RAB18: variants seen among roughly 807,000 people sequenced by gnomAD.
The protein encoded by RAB18 is ras-related protein Rab-18.
RAB18 carries 10 observed loss-of-function variants against 28.5 expected under a neutral mutation model. That is an observed-to-expected ratio of 0.35 (90% CI 0.22 to 0.60). The LOEUF is 0.60. RAB18 is among the 20% of genes least tolerant of loss of function. The pLI is 0.78. For synonymous variants in RAB18, 93 were observed against 86.9 expected (o/e 1.07, Z -0.39); for missense variants, 188 against 244.2 (o/e 0.77, Z 1.53).
chr10:27,526,734 A>T, intron 2 of RAB18, 94 bp from the exon 3 acceptor site: 3 of 1,511,522 alleles, frequency 2.0e-6, no homozygotes, highest in Non-Finnish European at 1.8e-6. Flanking sequence ...TGGGCATTTG[A>T]TAATAGTGAC....
At chr10:27,535,546 C>T (rs1834876881) in intron 6 of RAB18, among the ~76,000 whole-genome samples, 3 of 151,996 alleles carry the variant, frequency 2.0e-5, no homozygotes, top group Non-Finnish European at 4.4e-5. Flanking sequence ...GGATTGTATT[C>T]CAATTGTGGT....
At position 27,539,786 on chromosome 10, in the gene RAB18, A is replaced by G. The variant is rs2132418885; in HGVS notation, c.*1735A>G. On this transcript the variant is annotated 3_prime_UTR_variant, in exon 7 of 7. Transcript: ENST00000356940. ...ATTTTGTTTGATAGATTTATATTGTAACCTTTTTCTAGTTCTTGAATAAAT... is the reference window on the plus strand; with the variant it reads ...ATTTTGTTTGATAGATTTATATTGTGACCTTTTTCTAGTTCTTGAATAAAT... The G allele has an allele frequency of 2.2e-6, 1 of 452,528 alleles. No individual in the cohort carries two copies. The highest frequency in any genetic ancestry group is 6.9e-5 in the East Asian group (1 of 14,392). The allele number at this position is 452,528 out of a possible 1,614,324, so 28.0% of individuals were successfully genotyped here.
At chr10:27,509,406 A>G (rs533021947) in intron 1 of RAB18, among the ~76,000 whole-genome samples, 1 of 152,274 alleles carries the variant, frequency 6.6e-6, no homozygotes, top group African/African-American at 2.4e-5. Context: ...GTGTTACAGA[A>G]TGCTCGGCTT....
rs1230545922 is a variant in RAB18, at chr10:27,539,633, T to C, written c.*1582T>C. The C allele has an allele frequency of 2.2e-6, 1 of 452,974 alleles. No individual in the cohort carries two copies. Among genetic ancestry groups the C allele is most frequent in the Non-Finnish European group, 4.4e-6 (1 of 226,454 alleles). The allele number at this position is 452,974 out of a possible 1,614,324, so 28.1% of individuals were successfully genotyped here. A position where few individuals can be genotyped will look rare whatever the true frequency, so the allele number is the denominator to read the frequency against. On this transcript the variant is annotated 3_prime_UTR_variant, in exon 7 of 7. Transcript: ENST00000356940. ...AAAACTTGAGATTTGTGTATTTATG[T>C]AGAGTCTGTATTGACAAGACTGTTG...
chr10:27,515,735 A>C (rs761060862), intron 2 of RAB18, among the ~76,000 whole-genome samples: 22 of 151,216 alleles, frequency 1.5e-4, no homozygotes, highest in Admixed American at 7.9e-4. Flanking sequence ...CCTGTCTCAA[A>C]AAAAAAAAAT....
intron 2 of RAB18, among the ~76,000 whole-genome samples, chr10:27,526,292 A>ACC (rs1834670072): frequency 6.6e-6 from 1 of 152,224 alleles, no homozygotes; most frequent in Non-Finnish European, 1.5e-5. Flanking sequence ...TTACATAAAA[A>ACC]TAGTATTTTT....
In RAB18 at chr10:27,533,747, C is replaced by G; in HGVS notation, c.272C>G (p.Thr91Arg). 1 of 1,613,178 alleles carries G rather than the reference C, an allele frequency of 6.2e-7. No homozygotes were observed. The change falls in exon 5 of 7, where the codon ACA becomes AGA. Residue 91 changes from threonine (T) to arginine (R), a missense_variant. Thr to Arg is a moderately conservative substitution (Grantham distance 71, BLOSUM62 -1). Coordinates refer to ENST00000356940, the MANE Select transcript of RAB18 (RefSeq NM_021252.5). The stretch of plus-strand genomic sequence containing the variant: ...CCTTTTATTTCAGTTTATGATGTCA[C>G]AAGAAGAGATACATTTGTTAAACTG... The part of the protein sequence containing the change: ...AQGVILVYDV[T>R]RRDTFVKLDN...
At chr10:27,509,606 C>T (rs1010919611) in intron 1 of RAB18, among the ~76,000 whole-genome samples, 6 of 152,082 alleles carry the variant, frequency 3.9e-5, no homozygotes, top group Admixed American at 6.5e-5. Context: ...ACAACAAAAA[C>T]CCCCACCTTT....
rs1264638628 is a variant in RAB18, at chr10:27,541,501, T to G, written c.*3450T>G. The G allele has an allele frequency of 2.2e-6, 1 of 453,866 alleles. No homozygotes were observed. The highest frequency in any genetic ancestry group is 2.4e-5 in the Admixed American group (1 of 42,544). 28.1% of individuals were successfully genotyped at this position (453,866 alleles called of 1,614,324 possible). ...TTCTGATTGTGGTATAAAGTTTGCT[T>G]AAGTGCCCCTTAGTTAAAGCTGTTC... On this transcript the variant is annotated 3_prime_UTR_variant, in exon 7 of 7. Transcript: ENST00000356940.
chr10:27,532,440 C>A, intron 3 of RAB18, 67 bp from the exon 4 acceptor site: 2 of 1,198,388 alleles, frequency 1.7e-6, no homozygotes, highest in Non-Finnish European at 2.4e-6. Context: ...TGACTTTCTA[C>A]TCTTAAACTA....
intron 2 of RAB18, among the ~76,000 whole-genome samples, chr10:27,522,636 G>T (rs956775931): frequency 2.0e-5 from 3 of 152,036 alleles, no homozygotes; most frequent in African/African-American, 7.2e-5. Flanking sequence ...CTTCTTATCT[G>T]TTTAGGGATT....
At chr10:27,522,739 G>A (rs892676777) in intron 2 of RAB18, among the ~76,000 whole-genome samples, 19 of 151,758 alleles carry the variant, frequency 1.3e-4, no homozygotes, top group Non-Finnish European at 2.8e-4. Context: ...GTAAATTCTG[G>A]TAGCTTTTAA....
intron 3 of RAB18, among the ~76,000 whole-genome samples, chr10:27,527,519 AGTCT>A (rs1474706185): frequency 6.6e-6 from 1 of 151,922 alleles, no homozygotes; most frequent in Non-Finnish European, 1.5e-5. Flanking sequence ...CCCTTTCATC[AGTCT>A]ATTTACCCAC....
At chr10:27,510,060 T>G in intron 2 of RAB18, 130 bp downstream of exon 2, 3 of 736,994 alleles carry the variant, frequency 4.1e-6, no homozygotes, top group Non-Finnish European at 7.1e-6. Context: ...TTATTTGTCC[T>G]TCAAGACTTA....
At chr10:27,534,436 A>T (rs1834852811) in intron 6 of RAB18, among the ~76,000 whole-genome samples, 1 of 152,264 alleles carries the variant, frequency 6.6e-6, no homozygotes, top group Non-Finnish European at 1.5e-5. Flanking sequence ...TGGTCCAGCA[A>T]GAGTTGCCAA....
At chr10:27,506,231 C>G (rs1306316021) in intron 1 of RAB18, among the ~76,000 whole-genome samples, 1 of 152,106 alleles carries the variant, frequency 6.6e-6, no homozygotes, top group Non-Finnish European at 1.5e-5. Flanking sequence ...TTGGTTAGCA[C>G]TTTTTCTAAA....
chr10:27,536,066 A>T (rs1440228991), intron 6 of RAB18, among the ~76,000 whole-genome samples: 1 of 123,414 alleles, frequency 8.1e-6, no homozygotes, highest in African/African-American at 2.8e-5. Context: ...TGGGCGACAG[A>T]GCGAGACTCT....
At chr10:27,530,481 A>G (rs1205149217) in intron 3 of RAB18, among the ~76,000 whole-genome samples, 1 of 151,782 alleles carries the variant, frequency 6.6e-6, no homozygotes, top group Non-Finnish European at 1.5e-5. Context: ...TAAATGCTTA[A>G]CATGGTGCAG....
chr10:27,536,087 A>G (rs1057039446), intron 6 of RAB18, among the ~76,000 whole-genome samples: 4 of 151,588 alleles, frequency 2.6e-5, no homozygotes, highest in Admixed American at 2.6e-4. Flanking sequence ...GTCTCAAAAA[A>G]AAAAAAAGAG....
Sources: allele counts gnomAD v4.1 joint callset (sites outside exome capture counted in the v4.1 genomes callset), GRCh38; gene constraint gnomAD v4.1.1; transcripts MANE v1.5; gene names NCBI Gene and HGNC (gene_info 2026-07-23, HGNC 2026-07-21).